Variants in COX10 observed in about 807,000 individuals in gnomAD.
The protein encoded by COX10 is cytochrome c oxidase assembly factor heme A:farnesyltransferase COX10.
A neutral mutation model predicts 37.3 loss-of-function variants in COX10; 27 were observed. That is an observed-to-expected ratio of 0.72 (90% CI 0.53 to 1.00). The LOEUF is 1.00. Ranked by LOEUF, COX10 falls within the 50% of genes least tolerant of loss-of-function variation. The pLI, the probability that COX10 is intolerant of heterozygous loss-of-function variation, is 0.00. For synonymous variants in COX10, 222 were observed against 229.1 expected, an observed-to-expected ratio of 0.97 and a Z score of 0.28; for missense variants, 475 against 563.2, an observed-to-expected ratio of 0.84 and a Z score of 1.59.
chr17:14,204,192 A>G (rs1906628236), intron 6 of COX10, among the ~76,000 whole-genome samples: 1 of 152,160 alleles, frequency 6.6e-6, no homozygotes, highest in Non-Finnish European at 1.5e-5. Context: ...TAGGAAATGC[A>G]GACACGTAAA....
intron 5 of COX10, among the ~76,000 whole-genome samples, chr17:14,166,322 C>T (rs1197498147): frequency 6.6e-6 from 1 of 152,164 alleles, no homozygotes; most frequent in East Asian, 1.9e-4. Flanking sequence ...TGCTCATTTA[C>T]CATTCCAAAA....
intron 3 of COX10, among the ~76,000 whole-genome samples, chr17:14,099,930 A>G (rs1239585147): frequency 6.6e-6 from 1 of 152,038 alleles, no homozygotes; most frequent in African/African-American, 2.4e-5. Flanking sequence ...TAATGTTATC[A>G]TTCCTTTCCA....
chr17:14,157,751 A>G (rs1905072306), intron 4 of COX10, among the ~76,000 whole-genome samples: 1 of 152,076 alleles, frequency 6.6e-6, no homozygotes, highest in Non-Finnish European at 1.5e-5. Context: ...TTAGTTTCTT[A>G]CTCTGACTAC....
At chr17:14,183,059 T>C (rs1905914640) in intron 5 of COX10, among the ~76,000 whole-genome samples, 1 of 150,138 alleles carries the variant, frequency 6.7e-6, no homozygotes, top group Non-Finnish European at 1.5e-5. Flanking sequence ...AAAAAATAAT[T>C]CATAGAAATG....
intron 4 of COX10, among the ~76,000 whole-genome samples, chr17:14,115,041 A>G (rs951091495): frequency 2.0e-5 from 3 of 152,136 alleles, no homozygotes; most frequent in Non-Finnish European, 2.9e-5. Flanking sequence ...CTATAAGGGC[A>G]TATTTTATTC....
intron 5 of COX10, among the ~76,000 whole-genome samples, chr17:14,165,161 G>GTAA (rs1303641370): frequency 2.0e-4 from 31 of 152,308 alleles, no homozygotes; most frequent in African/African-American, 7.2e-4. Flanking sequence ...AATGTAAAGT[G>GTAA]TAATGTATCT....
At chr17:14,206,671 T>C in intron 6 of COX10, 139 bp from the exon 7 acceptor site, 1 of 1,076,252 alleles carries the variant, frequency 9.3e-7, no homozygotes, top group South Asian at 1.3e-5. Context: ...CCCTGTGATG[T>C]AGGCAGGCAG....
intron 3 of COX10, among the ~76,000 whole-genome samples, chr17:14,091,477 A>G (rs1042451295): frequency 2.0e-5 from 3 of 152,230 alleles, no homozygotes; most frequent in Non-Finnish European, 4.4e-5. Flanking sequence ...GCTTAGAATA[A>G]CATAACCAAC....
At chr17:14,071,839 G>C (rs1454781164) in intron 1 of COX10, among the ~76,000 whole-genome samples, 3 of 151,858 alleles carry the variant, frequency 2.0e-5, no homozygotes, top group Non-Finnish European at 4.4e-5. Context: ...GGCAGAGGTT[G>C]TAGTGAGCCA....
At chr17:14,109,559 T>G (rs1421875341) in intron 4 of COX10, among the ~76,000 whole-genome samples, 1 of 152,162 alleles carries the variant, frequency 6.6e-6, no homozygotes, top group East Asian at 1.9e-4. Context: ...ATTCCAGTAT[T>G]GTAGAAGAAG....
chr17:14,171,012 A>G (rs1468066507), intron 5 of COX10, among the ~76,000 whole-genome samples: 3 of 152,318 alleles, frequency 2.0e-5, no homozygotes, highest in East Asian at 3.9e-4. Flanking sequence ...CTAATAACAT[A>G]AAAAAGAAAT....
Position 14,175,232 on chromosome 17 carries a change from A to T in COX10, c.695+15285A>T, listed in dbSNP as rs373095048. 2.7e-3 allele frequency among the ~76,000 whole-genome samples: 410 copies of T among 150,120 alleles called. 4 individuals are homozygous for T. Among genetic ancestry groups the T allele is most frequent in the South Asian group, 0.017 (82 of 4,700 alleles). ...TTTTTTTTAACTCAGAACTAACTGT[A>T]CACTTGCAATGGGTAAATTTGTGTA... On this transcript the variant is annotated intron_variant, in intron 5 of 6. Transcript: ENST00000261643.
At chr17:14,071,939 G>T (rs1243120860) in intron 1 of COX10, among the ~76,000 whole-genome samples, 2 of 152,038 alleles carry the variant, frequency 1.3e-5, no homozygotes, top group African/African-American at 4.8e-5. Flanking sequence ...GCATTTTTTA[G>T]CTGTTTGTCT....
At chr17:14,104,323 G>C (rs1250968992) in intron 4 of COX10, among the ~76,000 whole-genome samples, 1 of 152,112 alleles carries the variant, frequency 6.6e-6, no homozygotes, top group Non-Finnish European at 1.5e-5. Context: ...GGATATTTTA[G>C]TTCCAGTGTT....
chr17:14,136,268 ATTAC>A, intron 4 of COX10, among the ~76,000 whole-genome samples: 1 of 152,014 alleles, frequency 6.6e-6, no homozygotes, highest in Non-Finnish European at 1.5e-5. Context: ...AAACAAGAAA[ATTAC>A]TTCATTAATC....
intron 6 of COX10, among the ~76,000 whole-genome samples, chr17:14,205,389 G>A (rs907857122): frequency 6.6e-6 from 1 of 152,146 alleles, no homozygotes; most frequent in Non-Finnish European, 1.5e-5. Context: ...CTCCTCTTAT[G>A]TGTCTTCACT....
chr17:14,107,751 G>A (rs180907513), intron 4 of COX10, among the ~76,000 whole-genome samples: 1 of 151,868 alleles, frequency 6.6e-6, no homozygotes, highest in Non-Finnish European at 1.5e-5. Flanking sequence ...TTAGCAAATT[G>A]TTCTAGAATC....
intron 4 of COX10, among the ~76,000 whole-genome samples, chr17:14,138,041 C>A (rs747736683): frequency 1.4e-5 from 2 of 141,876 alleles, no homozygotes; most frequent in South Asian, 4.5e-4. Flanking sequence ...GATTCTGATT[C>A]TTTGAAATAT....
chr17:14,201,899 C>T (rs1002078069), intron 6 of COX10, among the ~76,000 whole-genome samples: 19 of 152,200 alleles, frequency 1.2e-4, no homozygotes, highest in African/African-American at 4.6e-4. Flanking sequence ...TCTTACCAGT[C>T]ACTTTAAAAT....
Sources: allele counts gnomAD v4.1 joint callset (sites outside exome capture counted in the v4.1 genomes callset), GRCh38; gene constraint gnomAD v4.1.1; transcripts MANE v1.5; gene names NCBI Gene and HGNC (gene_info 2026-07-23, HGNC 2026-07-21).